Variants in PIP5K1B observed in about 807,000 individuals in gnomAD.
The protein encoded by PIP5K1B is phosphatidylinositol 4-phosphate 5-kinase type-1 beta.
PIP5K1B carries 42 observed loss-of-function variants against 67.0 expected under a neutral mutation model. The observed-to-expected ratio is 0.63, with a 90% CI of 0.49 to 0.81. The LOEUF is 0.81. PIP5K1B is among the 30% of genes least tolerant of loss of function. The probability of loss-of-function intolerance (pLI) is 0.00; values close to 1 mark genes in which losing one functional copy is unlikely to be tolerated. For synonymous variants in PIP5K1B, 214 were observed against 231.4 expected, an observed-to-expected ratio of 0.92 and a Z score of 0.68; for missense variants, 459 against 646.3, an observed-to-expected ratio of 0.71 and a Z score of 3.14.
At chr9:68,816,682 A>G (rs1019303592) in intron 2 of PIP5K1B, among the ~76,000 whole-genome samples, 3 of 152,220 alleles carry the variant, frequency 2.0e-5, no homozygotes, top group Non-Finnish European at 2.9e-5. Flanking sequence ...CTTTCTGGTA[A>G]GGAAAATATC....
At chr9:68,869,959 C>G (rs1405496185) in intron 5 of PIP5K1B, among the ~76,000 whole-genome samples, 1 of 152,156 alleles carries the variant, frequency 6.6e-6, no homozygotes, top group Non-Finnish European at 1.5e-5. Context: ...TGAGAAGTGA[C>G]TGCTGCTGGG....
intron 14 of PIP5K1B, among the ~76,000 whole-genome samples, chr9:68,941,457 T>G (rs1051710908): frequency 6.6e-6 from 1 of 152,232 alleles, no homozygotes; most frequent in African/African-American, 2.4e-5. Flanking sequence ...TATTATTCAT[T>G]GCATGCCTGT....
chr9:68,921,113 T>G (rs1165526196), intron 11 of PIP5K1B, among the ~76,000 whole-genome samples: 4 of 152,174 alleles, frequency 2.6e-5, no homozygotes, highest in African/African-American at 4.8e-5. Flanking sequence ...CGCTAAGGAC[T>G]GACTTCAGTC....
intron 12 of PIP5K1B, among the ~76,000 whole-genome samples, chr9:68,929,876 G>T (rs1826905733): frequency 6.6e-6 from 1 of 152,096 alleles, no homozygotes; most frequent in Admixed American, 6.5e-5. Context: ...TGCCATGTTG[G>T]CCAGGCTGGT....
chr9:68,900,117 A>G (rs996597199), intron 8 of PIP5K1B, among the ~76,000 whole-genome samples: 1 of 152,230 alleles, frequency 6.6e-6, no homozygotes, highest in Non-Finnish European at 1.5e-5. Flanking sequence ...TTATGGCTAC[A>G]TAGTATTCTG....
chr9:68,989,976 C>T (rs1427406557), intron 14 of PIP5K1B, among the ~76,000 whole-genome samples: 2 of 151,142 alleles, frequency 1.3e-5, no homozygotes, highest in Non-Finnish European at 2.9e-5. Context: ...AGCAAGACTC[C>T]GTCTCAAAAA....
intron 5 of PIP5K1B, among the ~76,000 whole-genome samples, chr9:68,867,886 TG>T (rs1301033769): frequency 6.6e-6 from 1 of 152,238 alleles, no homozygotes; most frequent in African/African-American, 2.4e-5. Context: ...TACCTTGAGA[TG>T]TTTTAATTTA....
chr9:68,839,300 T>G (rs111775042), intron 4 of PIP5K1B, among the ~76,000 whole-genome samples: 2,871 of 152,328 alleles, frequency 0.019, 64 homozygotes, highest in East Asian at 0.12. Context: ...TCTTGATTTC[T>G]TGGTGGTGGT....
intron 5 of PIP5K1B, among the ~76,000 whole-genome samples, chr9:68,873,037 G>A (rs1044801499): frequency 7.9e-5 from 12 of 152,120 alleles, no homozygotes; most frequent in Non-Finnish European, 1.5e-5. Flanking sequence ...TAGAAGTTGT[G>A]AAAATGTCCT....
At chr9:68,964,650 T>C (rs187533984) in intron 14 of PIP5K1B, among the ~76,000 whole-genome samples, 3 of 152,336 alleles carry the variant, frequency 2.0e-5, no homozygotes, top group Non-Finnish European at 2.9e-5. Flanking sequence ...AGGATTGTTC[T>C]ATATAAGGAA....
chr9:68,740,667 CAT>C (rs772162451), intron 1 of PIP5K1B, among the ~76,000 whole-genome samples: 2 of 152,182 alleles, frequency 1.3e-5, no homozygotes, highest in Non-Finnish European at 2.9e-5. Flanking sequence ...GTTTGCATGT[CAT>C]AAAATTATGA....
intron 12 of PIP5K1B, among the ~76,000 whole-genome samples, chr9:68,928,960 C>G (rs910848206): frequency 1.3e-5 from 2 of 152,142 alleles, no homozygotes; most frequent in East Asian, 3.9e-4. Context: ...GTCAGGAGTT[C>G]GAGACCAGCC....
intron 9 of PIP5K1B, among the ~76,000 whole-genome samples, chr9:68,918,617 A>T (rs1009907562): frequency 1.3e-5 from 2 of 152,224 alleles, no homozygotes; most frequent in African/African-American, 4.8e-5. Flanking sequence ...GGCAGACTGC[A>T]TCAGTTATGT....
At chr9:68,811,582 T>A (rs1833169972) in intron 2 of PIP5K1B, among the ~76,000 whole-genome samples, 1 of 152,158 alleles carries the variant, frequency 6.6e-6, no homozygotes, top group Non-Finnish European at 1.5e-5. Flanking sequence ...TCAACCCCCG[T>A]CCTGATGTTC....
chr9:69,003,322 T>C (rs2133036170), intron 15 of PIP5K1B, among the ~76,000 whole-genome samples: 1 of 152,216 alleles, frequency 6.6e-6, no homozygotes, highest in Middle Eastern at 3.4e-3. Context: ...AAGCCTACGA[T>C]GGCCGAGAGA....
chr9:68,890,343 A>G (rs999704434), intron 7 of PIP5K1B, among the ~76,000 whole-genome samples: 1 of 152,210 alleles, frequency 6.6e-6, no homozygotes, highest in African/African-American at 2.4e-5. Flanking sequence ...TCATACCTCC[A>G]GTTTCATTGT....
chr9:68,931,706 G>C (rs1410922731), intron 12 of PIP5K1B, among the ~76,000 whole-genome samples: 2 of 152,212 alleles, frequency 1.3e-5, no homozygotes, highest in Admixed American at 1.3e-4. Flanking sequence ...AACATGGTAG[G>C]TTCCAATATG....
At chr9:68,905,688 G>C (rs563915901) in intron 8 of PIP5K1B, among the ~76,000 whole-genome samples, 160 of 152,240 alleles carry the variant, frequency 1.1e-3, no homozygotes, top group African/African-American at 3.8e-3. Flanking sequence ...TTCAACTTAG[G>C]CTTAAAGAAT....
intron 14 of PIP5K1B, among the ~76,000 whole-genome samples, chr9:68,952,854 C>T (rs1197465684): frequency 1.3e-5 from 2 of 150,334 alleles, no homozygotes; most frequent in Non-Finnish European, 3.0e-5. Context: ...TTTCTTCCTT[C>T]CTTTCTTTCT....
Sources: allele counts gnomAD v4.1 joint callset (sites outside exome capture counted in the v4.1 genomes callset), GRCh38; gene constraint gnomAD v4.1.1; transcripts MANE v1.5; gene names NCBI Gene and HGNC (gene_info 2026-07-23, HGNC 2026-07-21).